Variants in ITGA2 observed in about 807,000 individuals in gnomAD.
The protein encoded by ITGA2 is integrin subunit alpha 2, also known as integrin alpha-2.
Under a neutral mutation model 146.3 loss-of-function variants are expected in ITGA2, and 101 were observed. The observed-to-expected ratio is 0.69, with a 90% CI of 0.59 to 0.81. The LOEUF is 0.81. Ranked by LOEUF, ITGA2 falls within the 40% of genes least tolerant of loss-of-function variation. The pLI is 0.00. For synonymous variants in ITGA2, 477 were observed against 487.1 expected (o/e 0.98, Z 0.27); for missense variants, 1,281 against 1,402.7 (o/e 0.91, Z 1.39).
intron 1 of ITGA2, among the ~76,000 whole-genome samples, chr5:52,994,347 T>C (rs1420705413): frequency 6.6e-6 from 1 of 152,108 alleles, no homozygotes; most frequent in Non-Finnish European, 1.5e-5. Context: ...CAGAAGTCCA[T>C]TTATTGAGTT....
intron 7 of ITGA2, among the ~76,000 whole-genome samples, chr5:53,054,867 C>T (rs1270958936): frequency 6.6e-6 from 1 of 151,974 alleles, no homozygotes; most frequent in Admixed American, 6.6e-5. Context: ...GCAAATCTCA[C>T]AAACCACCAC....
intron 1 of ITGA2, among the ~76,000 whole-genome samples, chr5:52,993,972 A>G (rs1388649320): frequency 6.6e-6 from 1 of 152,136 alleles, no homozygotes; most frequent in Admixed American, 6.5e-5. Context: ...TCAGTGACCA[A>G]TCATTTACCA....
chr5:53,020,534 G>T (rs2111785724), intron 1 of ITGA2, among the ~76,000 whole-genome samples: 1 of 152,140 alleles, frequency 6.6e-6, no homozygotes, highest in South Asian at 2.1e-4. Flanking sequence ...TTATATATTT[G>T]TGCATGTGAC....
chr5:53,008,898 C>T (rs1202576033), intron 1 of ITGA2, among the ~76,000 whole-genome samples: 1 of 152,106 alleles, frequency 6.6e-6, no homozygotes, highest in Non-Finnish European at 1.5e-5. Context: ...GATGCCATGA[C>T]ATGCATGAGT....
rs553810812 is a variant in ITGA2 at position 53,027,982 on chromosome 5, G to A, written c.185+1114G>A. On this transcript the variant is annotated intron_variant, in intron 2 of 29. Coordinates refer to ENST00000296585, the MANE Select transcript of ITGA2 (RefSeq NM_002203.4). ...TGCAGTCCCAGCTACTCAGGAAGCC[G>A]AGCTGGGAGGTTGGCTTGAGCCCAG... Among the ~76,000 whole-genome samples the A allele has an allele frequency of 7.9e-5, 12 of 152,164 alleles. No individual in the cohort carries two copies. The East Asian group carries it at 1.7e-3, about 22-fold the overall frequency.
At position 53,075,311 on chromosome 5, in the gene ITGA2, G is replaced by A; in HGVS notation, c.2825+7G>A. On this transcript the variant is annotated splice_region_variant and intron_variant, in intron 23 of 29. Transcript: ENST00000296585. ...CTGAAATTCACTTAACAAGGTAGGTGAAGCAGTGGGTAACCTGCTATCACT... is the reference window on the plus strand; with the variant it reads ...CTGAAATTCACTTAACAAGGTAGGTAAAGCAGTGGGTAACCTGCTATCACT... The A allele has an allele frequency of 6.2e-7, 1 of 1,610,080 alleles. No individual in the cohort carries two copies. The highest frequency in any genetic ancestry group is 8.5e-7 in the Non-Finnish European group (1 of 1,177,204).
At chr5:53,028,597 A>C (rs528634501) in intron 2 of ITGA2, among the ~76,000 whole-genome samples, 1 of 152,168 alleles carries the variant, frequency 6.6e-6, no homozygotes, top group African/African-American at 2.4e-5. Flanking sequence ...ACAGTTTTAA[A>C]TATTCAGCCC....
At chr5:53,025,019 A>T (rs1742872963) in intron 1 of ITGA2, among the ~76,000 whole-genome samples, 1 of 152,234 alleles carries the variant, frequency 6.6e-6, no homozygotes, top group African/African-American at 2.4e-5. Flanking sequence ...ATTTCCTGCC[A>T]TTAAATGATC....
chr5:53,085,117 T>G (rs1408350002), intron 27 of ITGA2, among the ~76,000 whole-genome samples: 1 of 152,236 alleles, frequency 6.6e-6, no homozygotes, highest in Non-Finnish European at 1.5e-5. Context: ...TCCAGCAATT[T>G]AAGCAGCAAA....
intron 1 of ITGA2, among the ~76,000 whole-genome samples, chr5:52,997,964 A>C (rs952338258): frequency 7.2e-5 from 11 of 152,232 alleles, no homozygotes; most frequent in Non-Finnish European, 1.6e-4. Context: ...TCAGTATAAA[A>C]ATTTAATAAA....
chr5:52,995,543 C>A (rs1334976541), intron 1 of ITGA2, among the ~76,000 whole-genome samples: 1 of 152,130 alleles, frequency 6.6e-6, no homozygotes, highest in Non-Finnish European at 1.5e-5. Context: ...AGGTTTCTGA[C>A]ATGGACAAGT....
At chr5:53,027,820 G>A (rs1283849241) in intron 2 of ITGA2, among the ~76,000 whole-genome samples, 4 of 151,930 alleles carry the variant, frequency 2.6e-5, no homozygotes, top group East Asian at 1.9e-4. Flanking sequence ...AGTGGCTCAC[G>A]CTTGTAATCC....
chr5:53,052,137 C>T (rs534578479), intron 7 of ITGA2, among the ~76,000 whole-genome samples: 3 of 152,096 alleles, frequency 2.0e-5, no homozygotes, highest in African/African-American at 7.2e-5. Context: ...ATGTGCAGAA[C>T]GTGCAGGTTC....
chr5:53,081,969 TTA>T, intron 26 of ITGA2, among the ~76,000 whole-genome samples: 1 of 152,196 alleles, frequency 6.6e-6, no homozygotes, highest in East Asian at 1.9e-4. Flanking sequence ...GTTCCAGACT[TTA>T]TGACATCAGA....
chr5:53,008,931 C>T (rs1163886867), intron 1 of ITGA2, among the ~76,000 whole-genome samples: 1 of 152,124 alleles, frequency 6.6e-6, no homozygotes, highest in Non-Finnish European at 1.5e-5. Context: ...TTATTACTCA[C>T]AGCACAGCAG....
intron 1 of ITGA2, among the ~76,000 whole-genome samples, chr5:53,009,208 T>A (rs996509276): frequency 1.5e-4 from 23 of 152,174 alleles, no homozygotes; most frequent in African/African-American, 3.9e-4. Flanking sequence ...GTCAGGGCCT[T>A]GCATTCTTGA....
intron 24 of ITGA2, among the ~76,000 whole-genome samples, chr5:53,079,156 A>T (rs1745797185): frequency 1.3e-5 from 2 of 152,140 alleles, no homozygotes; most frequent in African/African-American, 4.8e-5. Context: ...ATACTTTGAT[A>T]ACCAATAGGC....
rs1351302553 is a variant in ITGA2, at chr5:53,080,530, C to T, written c.2948C>T (p.Pro983Leu). 1.9e-6 allele frequency: 3 copies of T among 1,613,424 alleles called. No homozygotes were observed. Among genetic ancestry groups the T allele is most frequent in the Admixed American group, 3.3e-5 (2 of 59,958 alleles). Residue 983 changes from proline to leucine, a missense_variant, in exon 25 of 30, where the codon CCA becomes CTA. Pro to Leu is a moderately conservative substitution (Grantham distance 98). Transcript: ENST00000296585. ...FSLKVTTGSV[P>L]VSMATVIIHI... is the part of the protein sequence containing the mutation. ...ACATAGGTAACAACAGGAAGTGTTC[C>T]AGTAAGCATGGCAACTGTAATCATC...
intron 1 of ITGA2, among the ~76,000 whole-genome samples, chr5:53,007,714 A>C (rs1305927255): frequency 6.6e-6 from 1 of 152,168 alleles, no homozygotes; most frequent in East Asian, 1.9e-4. Context: ...CAATCTTATG[A>C]AAAAGAGAGA....
Sources: gnomAD v4.1 joint callset for allele counts (sites outside exome capture counted in the v4.1 genomes callset) on GRCh38, gnomAD v4.1.1 for gene constraint, MANE v1.5 for transcripts, NCBI Gene and HGNC (gene_info 2026-07-23, HGNC 2026-07-21) for gene names.